Variants in NECAB2 observed in about 807,000 individuals in gnomAD.
NECAB2 encodes N-terminal EF-hand calcium binding protein 2.
NECAB2 carries 68 observed loss-of-function variants against 51.9 expected under a neutral mutation model. The observed-to-expected ratio is 1.31, with a 90% confidence interval of 1.08 to 1.60. The LOEUF is 1.60. Ranked by LOEUF, NECAB2 falls within the 40% of genes most tolerant of loss-of-function variation. The probability of loss-of-function intolerance (pLI) is 0.00; values close to 1 mark genes in which losing one functional copy is unlikely to be tolerated. For missense variants in NECAB2, 854 were observed against 490.3 expected, an observed-to-expected ratio of 1.74 and a Z score of -7.00; for synonymous variants, 329 against 203.5, an observed-to-expected ratio of 1.62 and a Z score of -5.25.
chr16:83,989,684 C>G (rs1211541069), intron 5 of NECAB2, among the ~76,000 whole-genome samples: 1 of 152,180 alleles, frequency 6.6e-6, no homozygotes, highest in Non-Finnish European at 1.5e-5. Context: ...GCAGAGCTTT[C>G]TCCCTTCTGC....
At chr16:83,989,680 C>T (rs778477447) in intron 5 of NECAB2, among the ~76,000 whole-genome samples, 56 of 152,148 alleles carry the variant, frequency 3.7e-4, no homozygotes, top group Admixed American at 8.5e-4. Context: ...GTAAGCAGAG[C>T]TTTCTCCCTT....
chr16:83,989,372 C>T (rs930741833), intron 5 of NECAB2, among the ~76,000 whole-genome samples: 1 of 152,224 alleles, frequency 6.6e-6, no homozygotes, highest in Non-Finnish European at 1.5e-5. Context: ...TAGCTGTCTT[C>T]TCATGTGCCC....
intron 6 of NECAB2, among the ~76,000 whole-genome samples, chr16:83,991,934 C>A (rs533754679): frequency 6.6e-6 from 1 of 151,602 alleles, no homozygotes; most frequent in Admixed American, 6.6e-5. Flanking sequence ...GGATTACAGG[C>A]AGGAGCCACC....
chr16:83,997,679 C>T (rs1047657598), intron 9 of NECAB2, among the ~76,000 whole-genome samples: 11 of 151,684 alleles, frequency 7.3e-5, no homozygotes, highest in East Asian at 1.9e-4. Flanking sequence ...TTAGTAGAGA[C>T]GGACAGGGTT....
intron 5 of NECAB2, among the ~76,000 whole-genome samples, chr16:83,988,463 G>T (rs1040322007): frequency 6.6e-6 from 1 of 151,922 alleles, no homozygotes; most frequent in African/African-American, 2.4e-5. Flanking sequence ...AAGATTTTAG[G>T]CTTTTTTCCC....
At chr16:84,001,307 C>T (rs374373004) in intron 11 of NECAB2, among the ~76,000 whole-genome samples, 83 of 151,886 alleles carry the variant, frequency 5.5e-4, no homozygotes, top group African/African-American at 1.7e-3. Flanking sequence ...ATTGCTGATG[C>T]GCCAGACCCC....
upstream of NECAB2, chr16:83,966,013 G>A (rs753099579): frequency 1.2e-5 from 19 of 1,528,794 alleles, no homozygotes; most frequent in African/African-American, 2.8e-5. Context: ...CCTAACACTC[G>A]GCCAGACCCG....
intron 10 of NECAB2, 91 bp from the exon 11 acceptor site, chr16:84,000,626 TGTGTATA>T (rs1396070162): frequency 5.7e-6 from 5 of 875,950 alleles, no homozygotes; most frequent in Admixed American, 2.1e-5. Flanking sequence ...AGGCAGCCGT[TGTGTATA>T]GTGGTGGGTC....
intron 8 of NECAB2, among the ~76,000 whole-genome samples, chr16:83,995,779 G>C (rs72793629): frequency 0.1 from 15,518 of 152,242 alleles, 1,468 homozygotes; most frequent in African/African-American, 0.25. Context: ...TGAAGTCCGA[G>C]GGAGGAAGCT....
chr16:83,980,714 G>A, intron 3 of NECAB2, 125 bp from the exon 4 acceptor site: 4 of 1,317,776 alleles, frequency 3.0e-6, no homozygotes, highest in Non-Finnish European at 4.2e-6. Context: ...GTAAGGCGGA[G>A]CTTGTGGGGC....
At chr16:83,972,272 C>G in intron 2 of NECAB2, 97 bp downstream of exon 2, 1 of 1,561,454 alleles carries the variant, frequency 6.4e-7, no homozygotes, top group Non-Finnish European at 8.8e-7. Context: ...CAACCTTGAA[C>G]CTAAAGGTTT....
At chr16:83,969,190 C>T (rs2084322666) in intron 1 of NECAB2, among the ~76,000 whole-genome samples, 1 of 151,162 alleles carries the variant, frequency 6.6e-6, no homozygotes, top group Non-Finnish European at 1.5e-5. Flanking sequence ...CTTTACCCCG[C>T]GGGACCGGAG....
intron 2 of NECAB2, among the ~76,000 whole-genome samples, chr16:83,972,760 CTTG>C (rs375955396): frequency 1.3e-3 from 191 of 152,290 alleles, no homozygotes; most frequent in African/African-American, 4.4e-3. Flanking sequence ...TGAGCAGCGC[CTTG>C]TTGTGGCCAC....
chr16:83,994,814 C>T (rs373283519), intron 8 of NECAB2, 126 bp downstream of exon 8: 5 of 1,092,152 alleles, frequency 4.6e-6, no homozygotes, highest in Admixed American at 4.5e-5. Context: ...AAGACATCCC[C>T]CAGGTGGGGC....
At position 84,001,837 on chromosome 16, in the gene NECAB2, C is replaced by T. The variant is rs1044276637; in HGVS notation, c.1053C>T (p.Ser351=). 5 of 1,613,956 alleles carry T rather than the reference C, an allele frequency of 3.1e-6. No individual in the cohort carries two copies. The African/African-American group carries it at 5.3e-5, about 17-fold the overall frequency. Residue 351 remains serine, a synonymous_variant, in exon 12 of 13, where the codon AGC becomes AGT. Coordinates refer to ENST00000305202, the MANE Select transcript of NECAB2 (RefSeq NM_019065.3). ...TEEAWKRHLQ[S]PLCKAFRHVK... is the part of the protein sequence containing the mutation. ...CCCTGCGTCACAGGCACCTGCAGAG[C>T]CCCCTGTGTAAGGCGTTCCGGCACG...
At chr16:83,973,895 G>C (rs569048077) in intron 2 of NECAB2, among the ~76,000 whole-genome samples, 2 of 152,276 alleles carry the variant, frequency 1.3e-5, no homozygotes, top group South Asian at 2.1e-4. Flanking sequence ...TGTGCAGTTA[G>C]TGTGCGTGTG....
At position 83,980,799 on chromosome 16, in the gene NECAB2, C is replaced by CTCTGTCTCTG. The variant is rs1476688632; in HGVS notation, c.336-29_336-20dup. The CTCTGTCTCTG allele has an allele frequency of 1.2e-5, 19 of 1,556,808 alleles. No homozygotes were observed. In the East Asian group the frequency reaches 4.6e-4, roughly 38 times the overall value. ...GCAGGGTCAGGCCTGCTAACCCCCTCTCTGTCTCTGTCTGTCTCTGCCTCT... is the reference window on the plus strand; with the variant it reads ...GCAGGGTCAGGCCTGCTAACCCCCTCTCTGTCTCTGTCTGTCTCTGTCTGTCTCTGCCTCT... On this transcript the variant is annotated intron_variant, in intron 3 of 12. Coordinates refer to ENST00000305202, the MANE Select transcript of NECAB2 (RefSeq NM_019065.3).
chr16:83,990,194 C>A (rs943942151), intron 5 of NECAB2, among the ~76,000 whole-genome samples: 1 of 152,200 alleles, frequency 6.6e-6, no homozygotes, highest in African/African-American at 2.4e-5. Context: ...ACGCATGTTG[C>A]TGTTTAATCT....
At chr16:83,969,525 A>C (rs2084326236) in intron 1 of NECAB2, among the ~76,000 whole-genome samples, 6 of 139,890 alleles carry the variant, frequency 4.3e-5, no homozygotes, top group Admixed American at 7.1e-5. Context: ...ACACCCCTCT[A>C]CCCTACAGAG....
Sources: gnomAD v4.1 joint callset for allele counts (sites outside exome capture counted in the v4.1 genomes callset) on GRCh38, gnomAD v4.1.1 for gene constraint, MANE v1.5 for transcripts, NCBI Gene and HGNC (gene_info 2026-07-23, HGNC 2026-07-21) for gene names.